SYPL1: variants seen among roughly 807,000 people sequenced by gnomAD.
The protein encoded by SYPL1 is synaptophysin-like protein 1.
A neutral mutation model predicts 23.7 loss-of-function variants in SYPL1; 6 were observed. The observed-to-expected ratio is 0.25, with a 90% CI of 0.14 to 0.50. The LOEUF is 0.50. Among genes scored for constraint, SYPL1 ranks in the 20% least tolerant of loss-of-function variants. The pLI, the probability that SYPL1 is intolerant of heterozygous loss-of-function variation, is 0.98. For synonymous variants in SYPL1, 102 were observed against 104.5 expected, an observed-to-expected ratio of 0.98 and a Z score of 0.15; for missense variants, 253 against 288.9, an observed-to-expected ratio of 0.88 and a Z score of 0.90.
Position 106,091,865 on chromosome 7 carries a change from A to C in SYPL1, c.666T>G (p.Ser222Arg). The change falls in exon 5 of 5, where the codon AGT (serine) becomes AGG (arginine). Residue 222 changes from serine (S) to arginine (R), a missense_variant. Transcript: ENST00000455385. The surrounding 1 kb of genome is among the most constrained non-coding windows in gnomAD (Gnocchi z 5.0). ...WFVYKETSLH[S>R]PSNTSAPHSQ... ...TATGAGGGGCAGATGTATTTGATGG[A>C]CTGTGTAGGCTGGTCTCCTTGTACA... 6.2e-7 allele frequency: 1 copy of C among 1,613,748 alleles called. No individual in the cohort carries two copies. The highest frequency in any genetic ancestry group is 8.5e-7 in the Non-Finnish European group (1 of 1,179,838).
chr7:106,110,655 T>C (rs1790097665), intron 1 of SYPL1, among the ~76,000 whole-genome samples: 1 of 152,210 alleles, frequency 6.6e-6, no homozygotes, highest in Non-Finnish European at 1.5e-5. Context: ...AGTATTTCTG[T>C]AAGATGCTTA....
rs1839953921 is a variant in SYPL1, at chr7:106,095,164, A to C, written c.403-2027T>G. 6.6e-6 allele frequency among the ~76,000 whole-genome samples: 1 copy of C among 152,174 alleles called. No individual in the cohort carries two copies. Among genetic ancestry groups the C allele is most frequent in the Non-Finnish European group, 1.5e-5 (1 of 68,028 alleles). ...TAAACTCCTGCTACTTAACAAAAAA[A>C]AAAGTGCTATATTTACTTCAAAAGA... On this transcript the variant is annotated intron_variant, in intron 3 of 4. Coordinates refer to ENST00000455385, the MANE Select transcript of SYPL1 (RefSeq NM_182715.4). This position sits in a 1 kb window ranked among gnomAD's most constrained non-coding sequence, Gnocchi z 4.3.
At chr7:106,112,037 G>A in intron 1 of SYPL1, 103 bp downstream of exon 1, 5 of 1,175,792 alleles carry the variant, frequency 4.3e-6, no homozygotes, top group Non-Finnish European at 4.2e-6. Context: ...CGGCCTCAAA[G>A]CCCGCGCGGC....
intron 1 of SYPL1, among the ~76,000 whole-genome samples, chr7:106,099,530 A>G (rs1026984724): frequency 3.3e-5 from 5 of 152,004 alleles, no homozygotes; most frequent in African/African-American, 1.2e-4. Context: ...CAGCTGGATC[A>G]CAGGTGTGCA....
At position 106,090,664 on chromosome 7, in the gene SYPL1, C is replaced by A. The variant is rs900326780; in HGVS notation, c.*1141G>T. The A allele has an allele frequency of 6.6e-6, 1 of 152,546 alleles. No individual in the cohort carries two copies. 9.4% of individuals were successfully genotyped at this position (152,546 alleles called of 1,614,324 possible). On this transcript the variant is annotated 3_prime_UTR_variant, in exon 5 of 5. Transcript: ENST00000455385. ...AGAATAAGAAACCTGAATCCCTGTACAACAAAAAGATTAGGAAGCAAAATG... is the reference window on the plus strand; with the variant it reads ...AGAATAAGAAACCTGAATCCCTGTAAAACAAAAAGATTAGGAAGCAAAATG...
At position 106,099,229 on chromosome 7, in the gene SYPL1, TTC is replaced by T; in HGVS notation, c.121_122del (p.Glu41AsnfsTer11). 6.2e-7 allele frequency: 1 copy of T among 1,614,088 alleles called. No homozygotes were observed. The highest frequency in any genetic ancestry group is 8.5e-7 in the Non-Finnish European group (1 of 1,180,006). Reference protein sequence around the residue: ...ATCGGFKGQTEIQVNCPPAVT... With the variant: ...ATCGGFKGQTXIQVNCPPAVT... ...CTGCAGGAGGACAATTCACTTGAATTTCTGTTTGGCCCTTAAAACCTCCACAG... is the reference window on the plus strand; with the variant it reads ...CTGCAGGAGGACAATTCACTTGAATTTGTTTGGCCCTTAAAACCTCCACAG... On this transcript the variant is annotated frameshift_variant, in exon 2 of 5. Transcript: ENST00000455385. LOFTEE classifies it high-confidence loss of function.
chr7:106,094,676 G>A (rs1839927508), intron 3 of SYPL1, among the ~76,000 whole-genome samples: 1 of 152,118 alleles, frequency 6.6e-6, no homozygotes, highest in Admixed American at 6.5e-5. Flanking sequence ...AGTAACATGA[G>A]GTTATATCGC....
chr7:106,101,136 C>A (rs748874954), intron 1 of SYPL1, among the ~76,000 whole-genome samples: 1 of 152,098 alleles, frequency 6.6e-6, no homozygotes, highest in Non-Finnish European at 1.5e-5. Context: ...AGCACTCCTA[C>A]CCCGCACTAC....
intron 1 of SYPL1, among the ~76,000 whole-genome samples, chr7:106,102,943 A>G (rs972941652): frequency 6.6e-6 from 1 of 152,218 alleles, no homozygotes; most frequent in Middle Eastern, 3.2e-3. Flanking sequence ...TTTTGTAAAA[A>G]AGAACCATAA....
chr7:106,091,751 G>A lies in SYPL1; in HGVS notation c.*54C>T. 6.5e-7 allele frequency: 1 copy of A among 1,542,054 alleles called. No homozygotes were observed. The highest frequency in any genetic ancestry group is 8.7e-7 in the Non-Finnish European group (1 of 1,144,356). ...AACAAATAATGCTTCTCAAGGTGTTGGCAACATGTCATAGTATCAACATAT... is the reference window on the plus strand; with the variant it reads ...AACAAATAATGCTTCTCAAGGTGTTAGCAACATGTCATAGTATCAACATAT... On this transcript the variant is annotated 3_prime_UTR_variant, in exon 5 of 5. Transcript: ENST00000455385. This position sits in a 1 kb window ranked among gnomAD's most constrained non-coding sequence, Gnocchi z 5.0.
intron 1 of SYPL1, among the ~76,000 whole-genome samples, chr7:106,108,581 C>G (rs1840739397): frequency 1.3e-5 from 2 of 152,136 alleles, no homozygotes; most frequent in Non-Finnish European, 2.9e-5. Context: ...TATCACAAAT[C>G]CAGACCTTAA....
rs1164079471 is a variant in SYPL1, at chr7:106,109,597, T to C, written c.69+2543A>G. On this transcript the variant is annotated intron_variant, in intron 1 of 4. Coordinates refer to ENST00000455385, the MANE Select transcript of SYPL1 (RefSeq NM_182715.4). This position sits in a 1 kb window ranked among gnomAD's most constrained non-coding sequence, Gnocchi z 4.3. Reference sequence around the variant, plus strand: ...TTCTAGATCCATATATATAGCTGTATCCTATAGGATACCTCCAAAAGATCT... The same window carrying C: ...TTCTAGATCCATATATATAGCTGTACCCTATAGGATACCTCCAAAAGATCT... 1.3e-5 allele frequency among the ~76,000 whole-genome samples: 2 copies of C among 152,142 alleles called. No individual in the cohort carries two copies.
chr7:106,091,851 G>A lies in SYPL1; in HGVS notation c.680C>T (p.Ser227Phe). The A allele has an allele frequency of 6.2e-7, 1 of 1,613,712 alleles. No individual in the cohort carries two copies. Among genetic ancestry groups the A allele is most frequent in the Non-Finnish European group, 8.5e-7 (1 of 1,179,794 alleles). The change falls in exon 5 of 5, where the codon TCT (serine) becomes TTT (phenylalanine). Residue 227 changes from serine (S) to phenylalanine (F), a missense_variant. Ser to Phe is a radical substitution (Grantham distance 155). Coordinates refer to ENST00000455385, the MANE Select transcript of SYPL1 (RefSeq NM_182715.4). The surrounding 1 kb of genome is among the most constrained non-coding windows in gnomAD (Gnocchi z 5.0). The stretch of plus-strand genomic sequence containing the variant: ...AATACCTCCTTGGCTATGAGGGGCA[G>A]ATGTATTTGATGGACTGTGTAGGCT... ...ETSLHSPSNT[S>F]APHSQGGIPP... is the part of the protein sequence containing the mutation.
chr7:106,102,775 G>A (rs141795149), intron 1 of SYPL1, among the ~76,000 whole-genome samples: 223 of 152,280 alleles, frequency 1.5e-3, no homozygotes, highest in Non-Finnish European at 2.7e-3. Context: ...TAAGCTCGGC[G>A]TAATTTGTTA....
rs1161733701 is a variant in SYPL1 at position 106,097,944 on chromosome 7, G to GAA, written c.195-49_195-48dup. On this transcript the variant is annotated intron_variant, in intron 2 of 4. Transcript: ENST00000455385. This position sits in a 1 kb window ranked among gnomAD's most constrained non-coding sequence, Gnocchi z 4.6. Reference sequence around the variant, plus strand: ...TTATTGGACTTTCCCAACAGAGACAGAAACATTTAAGCAAAACAATGAGTG... The same window carrying GAA: ...TTATTGGACTTTCCCAACAGAGACAGAAAAACATTTAAGCAAAACAATGAGTG... 3 of 1,501,590 alleles carry GAA rather than the reference G, an allele frequency of 2.0e-6. No homozygotes were observed. Among genetic ancestry groups the GAA allele is most frequent in the Non-Finnish European group, 2.7e-6 (3 of 1,097,940 alleles). The allele number at this position is 1,501,590 out of a possible 1,614,324, so 93.0% of individuals were successfully genotyped here.
Position 106,091,975 on chromosome 7 carries a change from CCTA to C in SYPL1, c.592-39_592-37del. 6.4e-7 allele frequency: 1 copy of C among 1,569,100 alleles called. No homozygotes were observed. Among genetic ancestry groups the C allele is most frequent in the Non-Finnish European group, 8.6e-7 (1 of 1,161,612 alleles). ...GAAAAAGAAATATGAAAATCAAATA[CCTA>C]CTTATAAAAATTCATGCCCTACTTA... On this transcript the variant is annotated intron_variant, in intron 4 of 4. Coordinates refer to ENST00000455385, the MANE Select transcript of SYPL1 (RefSeq NM_182715.4). The surrounding 1 kb of genome is among the most constrained non-coding windows in gnomAD (Gnocchi z 5.0).
At chr7:106,107,742 CAAAA>C (rs10622990) in intron 1 of SYPL1, among the ~76,000 whole-genome samples, 2 of 79,340 alleles carry the variant, frequency 2.5e-5, no homozygotes, top group South Asian at 4.4e-4. Context: ...ACTCCGTCTC[CAAAA>C]AAAAAAAAAA....
upstream of SYPL1, chr7:106,112,471 G>T (rs1217913055): frequency 6.6e-7 from 1 of 1,509,750 alleles, no homozygotes; most frequent in Admixed American, 2.2e-5. Context: ...CTTCTCCTCA[G>T]GCCGCACCTG....
chr7:106,094,313 C>G (rs1379164167), intron 3 of SYPL1, among the ~76,000 whole-genome samples: 2 of 152,054 alleles, frequency 1.3e-5, no homozygotes, highest in Non-Finnish European at 2.9e-5. Context: ...TTTGTACCAA[C>G]CTAATATTTA....
Sources: gnomAD v4.1 joint callset for allele counts (sites outside exome capture counted in the v4.1 genomes callset) on GRCh38, gnomAD v4.1.1 for gene constraint, Gnocchi (gnomAD v3.1) non-coding constraint, MANE v1.5 for transcripts, NCBI Gene and HGNC (gene_info 2026-07-23, HGNC 2026-07-21) for gene names.